Variants in HLA-DRB1 observed in about 807,000 individuals in gnomAD.
The protein encoded by HLA-DRB1 is major histocompatibility complex, class II, DR beta 1 precursor.
In HLA-DRB1, 10 loss-of-function variants were observed where a neutral mutation model predicts 27.9. The ratio of observed to expected loss-of-function variants is 0.36; its 90% CI spans 0.22 to 0.61. The LOEUF (loss-of-function observed/expected upper bound fraction) is 0.61, where lower values mean the gene tolerates loss of function less well. HLA-DRB1 is among the 20% of genes least tolerant of loss of function. HLA-DRB1 has a pLI of 0.73. For missense variants in HLA-DRB1, 118 were observed against 306.3 expected, an observed-to-expected ratio of 0.39 and a Z score of 4.59; for synonymous variants, 57 against 126.7, an observed-to-expected ratio of 0.45 and a Z score of 3.69.
At chr6:32,588,608 C>A (rs35749736) in intron 1 of HLA-DRB1, among the ~76,000 whole-genome samples, 2 of 64,802 alleles carry the variant, frequency 3.1e-5, no homozygotes, top group Non-Finnish European at 6.3e-5. Context: ...AAGCTGAGGG[C>A]ATGATGGGTG....
chr6:32,581,732 C>T, exon 3 of HLA-DRB1: 1 of 1,465,108 alleles, frequency 6.8e-7, no homozygotes, highest in Non-Finnish European at 9.4e-7. Context: ...TCAGGAACCA[C>T]CTGACTTCAA....
At chr6:32,582,973 A>T (rs9269872) in intron 2 of HLA-DRB1, among the ~76,000 whole-genome samples, 241 of 126,978 alleles carry the variant, frequency 1.9e-3, no homozygotes, top group African/African-American at 4.6e-3. Context: ...TATTTTATTA[A>T]ATAAAAATGT....
chr6:32,581,569 TGA>T lies in HLA-DRB1; in HGVS notation c.638_639del (p.Leu213HisfsTer9). Reference sequence around the variant, plus strand: ...GAAAGCTGCTCACTCCATTCCACTGTGAGAGGGCTTGTCACGCTTGGGTGCTC... The same window carrying T: ...GAAAGCTGCTCACTCCATTCCACTGTGAGGGCTTGTCACGCTTGGGTGCTC... On this transcript the variant is annotated frameshift_variant, in exon 3 of 6. Coordinates refer to ENST00000360004, the Ensembl canonical transcript of HLA-DRB1. LOFTEE classifies it high-confidence loss of function. The T allele has an allele frequency of 8.6e-7, 1 of 1,157,708 alleles. No homozygotes were observed. Among genetic ancestry groups the T allele is most frequent in the Non-Finnish European group, 1.2e-6 (1 of 833,412 alleles). 71.7% of individuals were successfully genotyped at this position (1,157,708 alleles called of 1,614,324 possible). A position where few individuals can be genotyped will look rare whatever the true frequency, so the allele number is the denominator to read the frequency against.
chr6:32,588,240 G>GCA (rs1776799752), intron 1 of HLA-DRB1, among the ~76,000 whole-genome samples: 1 of 143,890 alleles, frequency 6.9e-6, no homozygotes, highest in Admixed American at 7.2e-5. Context: ...AGGATTGCTT[G>GCA]AGTCCAGCAG....
intron 1 of HLA-DRB1, among the ~76,000 whole-genome samples, chr6:32,584,645 A>AGT (rs1369573325): frequency 2.2e-3 from 297 of 135,770 alleles, no homozygotes; most frequent in East Asian, 4.9e-3. Flanking sequence ...GAGACCTCCA[A>AGT]GCAGGAGCTG....
At chr6:32,585,834 T>C (rs200312712) in intron 1 of HLA-DRB1, among the ~76,000 whole-genome samples, 28,285 of 141,594 alleles carry the variant, frequency 0.2, 3,430 homozygotes, top group Middle Eastern at 0.39. Flanking sequence ...ACTTATAACC[T>C]CTCAATTTTA....
intron 1 of HLA-DRB1, among the ~76,000 whole-genome samples, chr6:32,589,418 TGA>T (rs1384630109): frequency 2.1e-5 from 2 of 96,438 alleles, no homozygotes; most frequent in Non-Finnish European, 4.2e-5. Context: ...GGTGGAGATT[TGA>T]AAAGAAATGA....
At chr6:32,584,738 C>T (rs9269983) in intron 1 of HLA-DRB1, among the ~76,000 whole-genome samples, 9,160 of 77,886 alleles carry the variant, frequency 0.12, 1,414 homozygotes, top group African/African-American at 0.13. Context: ...TCATCCCACA[C>T]GCTTTACCGG....
At chr6:32,583,519 A>T (rs140363553) in intron 2 of HLA-DRB1, among the ~76,000 whole-genome samples, 3,317 of 67,792 alleles carry the variant, frequency 0.049, 1,202 homozygotes, top group Middle Eastern at 0.14. Flanking sequence ...TTAGATCTAA[A>T]GAAGCTTCAG....
At chr6:32,584,734 C>CTTT (rs28986204) in intron 1 of HLA-DRB1, among the ~76,000 whole-genome samples, 10,782 of 81,876 alleles carry the variant, frequency 0.13, 2 homozygotes, top group Admixed American at 0.21. Context: ...CCTCTCATCC[C>CTTT]ACACGCTTTA....
intron 1 of HLA-DRB1, among the ~76,000 whole-genome samples, chr6:32,589,331 T>C (rs1777013083): frequency 6.7e-6 from 1 of 148,216 alleles, no homozygotes; most frequent in African/African-American, 2.5e-5. Context: ...GGAAGTGCTG[T>C]ATGGGGAATT....
chr6:32,589,338 A>C (rs1455678876), intron 1 of HLA-DRB1, among the ~76,000 whole-genome samples: 1 of 147,386 alleles, frequency 6.8e-6, no homozygotes, highest in African/African-American at 2.5e-5. Context: ...CTGTATGGGG[A>C]ATTTATTTTA....
At chr6:32,580,786 G>A (rs1229239673) in exon 4 of HLA-DRB1, 2 of 1,613,156 alleles carry the variant, frequency 1.2e-6, no homozygotes, top group African/African-American at 2.7e-5. Context: ...CGGCCCCAAG[G>A]AAGAGCAGGC....
At chr6:32,589,062 A>C (rs1188725436) in intron 1 of HLA-DRB1, among the ~76,000 whole-genome samples, 1 of 110,962 alleles carries the variant, frequency 9.0e-6, no homozygotes, top group African/African-American at 3.3e-5. Context: ...GAAGAGCACT[A>C]AGTATAACTT....
At chr6:32,582,472 A>G (rs28723995) in intron 2 of HLA-DRB1, among the ~76,000 whole-genome samples, 2,844 of 85,584 alleles carry the variant, frequency 0.033, no homozygotes, top group Admixed American at 0.062. Context: ...ATAAAGGGAC[A>G]GAGTTGGGTA....
At chr6:32,586,270 T>A (rs113609412) in intron 1 of HLA-DRB1, among the ~76,000 whole-genome samples, 15,134 of 94,084 alleles carry the variant, frequency 0.16, 3,528 homozygotes, top group Admixed American at 0.18. Flanking sequence ...AGCTCTCTAC[T>A]CAAAACAGTC....
chr6:32,580,511 A>C, intron 4 of HLA-DRB1, among the ~76,000 whole-genome samples: 2 of 91,144 alleles, frequency 2.2e-5, no homozygotes, highest in Non-Finnish European at 4.9e-5. Context: ...CAGGATCTCA[A>C]ACCAAAGGAC....
chr6:32,585,879 G>T (rs1776311116), intron 1 of HLA-DRB1, among the ~76,000 whole-genome samples: 1 of 144,662 alleles, frequency 6.9e-6, no homozygotes, highest in Non-Finnish European at 1.5e-5. Flanking sequence ...AAATACCACA[G>T]ATACAACAGG....
exon 1 of HLA-DRB1, chr6:32,589,759 G>A (rs17211071): frequency 2.5e-3 from 1,932 of 786,136 alleles, no homozygotes; most frequent in East Asian, 5.1e-3. Flanking sequence ...GAACAGGACA[G>A]GACCAGGGGC....
Sources: gnomAD v4.1 joint callset for allele counts (sites outside exome capture counted in the v4.1 genomes callset) on GRCh38, gnomAD v4.1.1 for gene constraint, MANE v1.5 for transcripts, NCBI Gene and HGNC (gene_info 2026-07-23, HGNC 2026-07-21) for gene names.